The following ATP10B variants were observed in gnomAD, a reference collection of about 807,000 sequenced individuals.
The protein encoded by ATP10B is phospholipid-transporting ATPase VB.
In ATP10B, 122 loss-of-function variants were observed where a neutral mutation model predicts 141.2. The observed-to-expected ratio is 0.86, with a 90% CI of 0.75 to 1.00. The LOEUF (loss-of-function observed/expected upper bound fraction) is 1.00, where lower values mean the gene tolerates loss of function less well. Among genes scored for constraint, ATP10B ranks in the 50% least tolerant of loss-of-function variants. ATP10B has a pLI of 0.00. For synonymous variants in ATP10B, 685 were observed against 692.0 expected (o/e 0.99, Z 0.16); for missense variants, 1,876 against 1,825.3 (o/e 1.03, Z -0.51).
intron 8 of ATP10B, among the ~76,000 whole-genome samples, chr5:160,645,422 G>C (rs898591739): frequency 6.6e-6 from 1 of 152,204 alleles, no homozygotes; most frequent in East Asian, 1.9e-4. Context: ...GGTTCCTCTC[G>C]TTCCGAGCCA....
chr5:160,812,059 A>AGAGAGAGAGAGAGG (rs1773214224), intron 1 of ATP10B, among the ~76,000 whole-genome samples: 1 of 144,634 alleles, frequency 6.9e-6, no homozygotes, highest in Non-Finnish European at 1.5e-5. Flanking sequence ...AGAGAGAGAG[A>AGAGAGAGAGAGAGG]GGGAGAGGGA....
intron 2 of ATP10B, among the ~76,000 whole-genome samples, chr5:160,782,414 CTT>C (rs562069911): frequency 1.8e-4 from 27 of 150,256 alleles, no homozygotes; most frequent in Admixed American, 1.5e-3. Context: ...ATTTATTGCA[CTT>C]TGTTCCCATT....
intron 1 of ATP10B, among the ~76,000 whole-genome samples, chr5:160,796,124 T>C (rs1233246219): frequency 6.6e-6 from 1 of 152,136 alleles, no homozygotes; most frequent in South Asian, 2.1e-4. Context: ...AAAACAGATA[T>C]GGAGGACACC....
intron 2 of ATP10B, among the ~76,000 whole-genome samples, chr5:160,784,414 C>T (rs1770980915): frequency 6.6e-6 from 1 of 152,148 alleles, no homozygotes; most frequent in South Asian, 2.1e-4. Flanking sequence ...CCTGTTGATG[C>T]CTTTTCAGGC....
At chr5:160,749,006 C>A (rs902868880) in intron 2 of ATP10B, among the ~76,000 whole-genome samples, 11 of 152,114 alleles carry the variant, frequency 7.2e-5, no homozygotes, top group Admixed American at 7.2e-4. Context: ...GAAATAGACA[C>A]CCTCAGAAGT....
In ATP10B at chr5:160,748,523, C is replaced by G. The variant is rs538241473; in HGVS notation, c.-330-31489G>C. 3.3e-5 allele frequency among the ~76,000 whole-genome samples: 5 copies of G among 152,338 alleles called. No homozygotes were observed. In the South Asian group the frequency reaches 6.2e-4, roughly 19 times the overall value. On this transcript the variant is annotated intron_variant, in intron 2 of 25. Coordinates refer to ENST00000327245, the MANE Select transcript of ATP10B (RefSeq NM_025153.3). ...AGCACAGGCCCAGCTAGACATCTCT[C>G]TCTAGTTCTCCTGCCTCCTGCTCTC...
intron 2 of ATP10B, among the ~76,000 whole-genome samples, chr5:160,775,374 T>G (rs184012649): frequency 2.0e-5 from 3 of 152,366 alleles, no homozygotes; most frequent in Admixed American, 2.0e-4. Context: ...TGATAGTGCC[T>G]GCTTTCTTTG....
chr5:160,694,603 C>T lies in ATP10B; in HGVS notation c.-204-5660G>A, dbSNP rs140769806. Reference sequence around the variant, plus strand: ...CAAACTTTCTCCACGTTACCTGGCTCACATTTCCAATTGACTCCAGTTCCT... The same window carrying T: ...CAAACTTTCTCCACGTTACCTGGCTTACATTTCCAATTGACTCCAGTTCCT... On this transcript the variant is annotated intron_variant, in intron 3 of 25. Transcript: ENST00000327245. 7.2e-5 allele frequency among the ~76,000 whole-genome samples: 11 copies of T among 152,312 alleles called. No individual in the cohort carries two copies. In the East Asian group the frequency reaches 2.1e-3, roughly 29 times the overall value.
At chr5:160,844,500 A>G (rs1775998137) in intron 1 of ATP10B, among the ~76,000 whole-genome samples, 1 of 152,064 alleles carries the variant, frequency 6.6e-6, no homozygotes, top group Non-Finnish European at 1.5e-5. Flanking sequence ...GAAATACATA[A>G]TAGTTCTGAT....
chr5:160,605,896 G>A (rs1478690193), intron 19 of ATP10B, among the ~76,000 whole-genome samples: 2 of 152,240 alleles, frequency 1.3e-5, no homozygotes, highest in Non-Finnish European at 2.9e-5. Context: ...AGGTATGACA[G>A]TGCTTTGAGC....
chr5:160,592,473 C>T (rs1756376098), intron 22 of ATP10B, among the ~76,000 whole-genome samples: 1 of 152,198 alleles, frequency 6.6e-6, no homozygotes, highest in East Asian at 1.9e-4. Context: ...TCTACAGCTC[C>T]CAGCATGAGC....
intron 1 of ATP10B, among the ~76,000 whole-genome samples, chr5:160,836,904 T>G (rs1346895607): frequency 1.3e-5 from 2 of 152,118 alleles, no homozygotes; most frequent in Non-Finnish European, 2.9e-5. Flanking sequence ...GTCAATAGAT[T>G]CTCCTCCTAG....
At chr5:160,772,272 CTCT>C (rs1248220228) in intron 2 of ATP10B, among the ~76,000 whole-genome samples, 1 of 152,242 alleles carries the variant, frequency 6.6e-6, no homozygotes, top group Non-Finnish European at 1.5e-5. Flanking sequence ...TCTCCACAAG[CTCT>C]TCTTAATACT....
At chr5:160,732,925 C>G (rs1396654080) in intron 2 of ATP10B, among the ~76,000 whole-genome samples, 1 of 152,164 alleles carries the variant, frequency 6.6e-6, no homozygotes, top group African/African-American at 2.4e-5. Context: ...TCACTGCATC[C>G]TTGAACTCCT....
At chr5:160,778,682 TA>T (rs398093846) in intron 2 of ATP10B, among the ~76,000 whole-genome samples, 1 of 152,148 alleles carries the variant, frequency 6.6e-6, no homozygotes, top group East Asian at 1.9e-4. Flanking sequence ...TTGACTTTTT[TA>T]AAATTACAGA....
the ATP10B span, among the ~76,000 whole-genome samples, chr5:160,910,186 T>A: frequency 6.6e-6 from 1 of 152,002 alleles, no homozygotes; most frequent in Admixed American, 6.5e-5. Context: ...TTTGCTCTCA[T>A]TATTTCCTGA....
chr5:160,669,311 C>A (rs917863847), intron 7 of ATP10B, among the ~76,000 whole-genome samples: 4 of 152,166 alleles, frequency 2.6e-5, no homozygotes, highest in African/African-American at 9.7e-5. Flanking sequence ...ATGTACCTAC[C>A]ATTTAGTCTT....
At chr5:160,755,871 A>ATATATATATATG (rs1561820609) in intron 2 of ATP10B, among the ~76,000 whole-genome samples, 1 of 114,690 alleles carries the variant, frequency 8.7e-6, no homozygotes, top group East Asian at 2.5e-4. Flanking sequence ...ATATATATAT[A>ATATATATATATG]TATATATTAT....
the ATP10B span, among the ~76,000 whole-genome samples, chr5:160,923,326 T>C: frequency 6.6e-6 from 1 of 152,216 alleles, no homozygotes; most frequent in South Asian, 2.1e-4. Flanking sequence ...GAATGGATTC[T>C]GACATCTAAA....
Sources: gnomAD v4.1 joint callset for allele counts (sites outside exome capture counted in the v4.1 genomes callset) on GRCh38, gnomAD v4.1.1 for gene constraint, MANE v1.5 for transcripts, NCBI Gene and HGNC (gene_info 2026-07-23, HGNC 2026-07-21) for gene names.